Variants in ARSJ observed in about 807,000 individuals in gnomAD.
The protein encoded by ARSJ is arylsulfatase family member J, also known as arylsulfatase J.
ARSJ carries 26 observed loss-of-function variants against 35.9 expected under a neutral mutation model. That is an observed-to-expected ratio of 0.72 (90% CI 0.53 to 1.00). The LOEUF (loss-of-function observed/expected upper bound fraction) is 1.00, where lower values mean the gene tolerates loss of function less well. Ranked by LOEUF, ARSJ falls within the 50% of genes least tolerant of loss-of-function variation. The probability of loss-of-function intolerance (pLI) is 0.00; values close to 1 mark genes in which losing one functional copy is unlikely to be tolerated. For missense variants in ARSJ, 667 were observed against 723.6 expected (o/e 0.92, Z 0.90); for synonymous variants, 294 against 267.6 (o/e 1.10, Z -0.96).
intron 1 of ARSJ, among the ~76,000 whole-genome samples, chr4:113,948,912 C>T (rs1725674439): frequency 1.3e-5 from 2 of 152,096 alleles, no homozygotes; most frequent in East Asian, 3.9e-4. Context: ...ACATCCTATT[C>T]ACAATAGCAA....
At chr4:113,952,449 A>T (rs1725919793) in intron 1 of ARSJ, among the ~76,000 whole-genome samples, 1 of 152,094 alleles carries the variant, frequency 6.6e-6, no homozygotes, top group Non-Finnish European at 1.5e-5. Context: ...GCTTTTTATG[A>T]GTCTTCAATG....
chr4:113,947,653 T>C (rs1405692260), intron 1 of ARSJ, among the ~76,000 whole-genome samples: 1 of 151,170 alleles, frequency 6.6e-6, no homozygotes, highest in Non-Finnish European at 1.5e-5. Context: ...GGAGAAAAAA[T>C]TGAAAAATAA....
rs77976426 is a variant in ARSJ at position 113,916,947 on chromosome 4, G to A, written c.399-13272C>T. Among the ~76,000 whole-genome samples, 674 of 152,278 alleles carry A rather than the reference G, an allele frequency of 4.4e-3. 1 individual carries two copies. Among genetic ancestry groups the A allele is most frequent in the Non-Finnish European group, 7.5e-3 (512 of 68,016 alleles). Reference sequence around the variant, plus strand: ...TGCTGAATCTAAAGGAATATTCATGGTATGCTGTGTTGTAATTACTTATAA... The same window carrying A: ...TGCTGAATCTAAAGGAATATTCATGATATGCTGTGTTGTAATTACTTATAA... On this transcript the variant is annotated intron_variant, in intron 1 of 1. Coordinates refer to ENST00000315366, the MANE Select transcript of ARSJ (RefSeq NM_024590.4).
At chr4:113,913,258 G>A (rs1033911295) in intron 1 of ARSJ, among the ~76,000 whole-genome samples, 3 of 152,044 alleles carry the variant, frequency 2.0e-5, no homozygotes, top group African/African-American at 2.4e-5. Context: ...ATCCACTGTC[G>A]GTGAACCTTC....
At chr4:113,957,125 A>G (rs1726231344) in intron 1 of ARSJ, among the ~76,000 whole-genome samples, 1 of 152,070 alleles carries the variant, frequency 6.6e-6, no homozygotes, top group Non-Finnish European at 1.5e-5. Context: ...CATAATATAA[A>G]ACGTTTTCAA....
intron 1 of ARSJ, among the ~76,000 whole-genome samples, chr4:113,965,926 C>T (rs535820804): frequency 4.4e-4 from 67 of 152,042 alleles, no homozygotes; most frequent in African/African-American, 1.6e-3. Context: ...GTGCAAGAAC[C>T]TGGTGTGTTC....
intron 1 of ARSJ, among the ~76,000 whole-genome samples, chr4:113,965,916 G>A (rs1365637754): frequency 6.6e-6 from 1 of 151,928 alleles, no homozygotes; most frequent in Non-Finnish European, 1.5e-5. Flanking sequence ...ATCTTATCCT[G>A]TGCAAGAACC....
At chr4:113,975,780 T>G (rs1727554944) in intron 1 of ARSJ, among the ~76,000 whole-genome samples, 1 of 152,208 alleles carries the variant, frequency 6.6e-6, no homozygotes, top group South Asian at 2.1e-4. Flanking sequence ...CATTTAATAC[T>G]AACAGTCTTA....
intron 1 of ARSJ, among the ~76,000 whole-genome samples, chr4:113,924,476 C>A (rs1380109017): frequency 2.0e-5 from 3 of 152,058 alleles, no homozygotes; most frequent in African/African-American, 7.2e-5. Context: ...TCAATCCAAT[C>A]AAGTTGACAC....
At chr4:113,956,418 A>C (rs559797580) in intron 1 of ARSJ, among the ~76,000 whole-genome samples, 3 of 152,164 alleles carry the variant, frequency 2.0e-5, no homozygotes, top group Non-Finnish European at 4.4e-5. Flanking sequence ...ATAAACTAGA[A>C]ATCGGTGGGA....
At chr4:113,976,997 A>T in intron 1 of ARSJ, among the ~76,000 whole-genome samples, 1 of 152,330 alleles carries the variant, frequency 6.6e-6, no homozygotes, top group Non-Finnish European at 1.5e-5. Flanking sequence ...AAATAAATTC[A>T]TATAGTTCAG....
At chr4:113,917,728 C>G (rs1482220153) in intron 1 of ARSJ, among the ~76,000 whole-genome samples, 1 of 152,034 alleles carries the variant, frequency 6.6e-6, no homozygotes, top group Non-Finnish European at 1.5e-5. Context: ...TGAATACTTA[C>G]CAATAATTCT....
At chr4:113,933,766 C>T (rs1724601563) in intron 1 of ARSJ, among the ~76,000 whole-genome samples, 1 of 151,764 alleles carries the variant, frequency 6.6e-6, no homozygotes, top group African/African-American at 2.4e-5. Flanking sequence ...CCATAGTCAA[C>T]ATCATACTGA....
intron 1 of ARSJ, among the ~76,000 whole-genome samples, chr4:113,940,768 G>A (rs1031139211): frequency 2.0e-5 from 3 of 151,906 alleles, no homozygotes; most frequent in Admixed American, 1.3e-4. Flanking sequence ...ATATTAAATA[G>A]TAAATTCAAC....
In ARSJ at chr4:113,902,148, C is replaced by T. The variant is rs1232100612; in HGVS notation, c.*126G>A. The T allele has an allele frequency of 1.9e-6, 3 of 1,597,642 alleles. No homozygotes were observed. The highest frequency in any genetic ancestry group is 2.5e-6 in the Non-Finnish European group (3 of 1,179,382). The stretch of plus-strand genomic sequence containing the variant: ...CAGGTGGCAGAAGTCTCTGGAGTGG[C>T]ACAGCATGAAAACAAGCCTGACGCT... On this transcript the variant is annotated 3_prime_UTR_variant, in exon 2 of 2. Transcript: ENST00000315366.
At chr4:113,945,168 G>T (rs964939279) in intron 1 of ARSJ, among the ~76,000 whole-genome samples, 3 of 151,978 alleles carry the variant, frequency 2.0e-5, no homozygotes, top group Non-Finnish European at 4.4e-5. Context: ...AAGAGACAGG[G>T]TCTTACTCTT....
intron 1 of ARSJ, among the ~76,000 whole-genome samples, chr4:113,908,843 T>A (rs1250697160): frequency 6.6e-6 from 1 of 152,168 alleles, no homozygotes. Context: ...CAATGAATCA[T>A]CTTGCATTAC....
rs562086506 is a variant in ARSJ at position 113,900,443 on chromosome 4, A to G, written c.*1831T>C. On this transcript the variant is annotated 3_prime_UTR_variant, in exon 2 of 2. Coordinates refer to ENST00000315366, the MANE Select transcript of ARSJ (RefSeq NM_024590.4). ...AAAATCATTTAAATCATCTTACCCA[A>G]TTTAGTAATTTCAGTACTAGATTAT... 1 of 152,306 alleles carries G rather than the reference A, an allele frequency of 6.6e-6. No individual in the cohort carries two copies. Among genetic ancestry groups the G allele is most frequent in the African/African-American group, 2.4e-5 (1 of 41,564 alleles). 9.4% of individuals were successfully genotyped at this position (152,306 alleles called of 1,614,324 possible). A position where few individuals can be genotyped will look rare whatever the true frequency, so the allele number is the denominator to read the frequency against.
intron 1 of ARSJ, among the ~76,000 whole-genome samples, chr4:113,971,575 T>C (rs892277407): frequency 2.6e-5 from 4 of 152,212 alleles, no homozygotes; most frequent in Non-Finnish European, 5.9e-5. Flanking sequence ...TATTGAGCCA[T>C]TCTTTTTGAA....
Sources: gnomAD v4.1 joint callset for allele counts (sites outside exome capture counted in the v4.1 genomes callset) on GRCh38, gnomAD v4.1.1 for gene constraint, MANE v1.5 for transcripts, NCBI Gene and HGNC (gene_info 2026-07-23, HGNC 2026-07-21) for gene names.